AMPH: variants seen among roughly 807,000 people sequenced by gnomAD.
The protein encoded by AMPH is amphiphysin (Stiff-Mann syndrome with breast cancer 128kD autoantigen).
A neutral mutation model predicts 99.1 loss-of-function variants in AMPH; 49 were observed. That is an observed-to-expected ratio of 0.49 (90% confidence interval 0.39 to 0.63). The LOEUF (loss-of-function observed/expected upper bound fraction) is 0.63, where lower values mean the gene tolerates loss of function less well. Ranked by LOEUF, AMPH falls within the 20% of genes least tolerant of loss-of-function variation. AMPH has a pLI of 0.00. For synonymous variants in AMPH, 314 were observed against 317.3 expected, an observed-to-expected ratio of 0.99 and a Z score of 0.11; for missense variants, 759 against 863.4, an observed-to-expected ratio of 0.88 and a Z score of 1.52.
At position 38,476,921 on chromosome 7, in the gene AMPH, G is replaced by A. The variant is rs1440266958; in HGVS notation, c.445C>T (p.Arg149Cys). 3.1e-6 allele frequency: 5 copies of A among 1,613,636 alleles called. No individual in the cohort carries two copies. The highest frequency in any genetic ancestry group is 2.2e-5 in the South Asian group (2 of 91,048). Residue 149 changes from arginine to cysteine, a missense_variant, in exon 6 of 21, where the codon CGC (arginine) becomes TGC (cysteine). Physicochemically the swap from Arg to Cys is radical, Grantham distance 180. Coordinates refer to ENST00000356264, the MANE Select transcript of AMPH (RefSeq NM_001635.4). ...CTCTGCAGAGCTTCCAGATGGTGGC[G>A]GGCACTGTCATAGTCCACTAGCTTC... ...SRKLVDYDSA[R>C]HHLEALQSSK...
At chr7:38,449,310 C>A (rs1424733103) in intron 11 of AMPH, among the ~76,000 whole-genome samples, 2 of 152,172 alleles carry the variant, frequency 1.3e-5, no homozygotes, top group Admixed American at 1.3e-4. Context: ...TCACACATAG[C>A]CTACAGCATT....
At chr7:38,562,154 A>T (rs78330640) in intron 1 of AMPH, among the ~76,000 whole-genome samples, 4,428 of 152,258 alleles carry the variant, frequency 0.029, 213 homozygotes, top group African/African-American at 0.1. Context: ...AAATGAAAAA[A>T]GTCAGCAAGG....
chr7:38,579,156 C>T (rs1165907662), intron 1 of AMPH, among the ~76,000 whole-genome samples: 1 of 152,234 alleles, frequency 6.6e-6, no homozygotes, highest in African/African-American at 2.4e-5. Flanking sequence ...GATAGAAAGA[C>T]CACAAAACAC....
chr7:38,630,945 G>C lies in AMPH; in HGVS notation c.69+338C>G, dbSNP rs933563216. Among the ~76,000 whole-genome samples, 2 of 151,950 alleles carry C rather than the reference G, an allele frequency of 1.3e-5. 1 individual carries two copies. Among genetic ancestry groups the C allele is most frequent in the Non-Finnish European group, 2.9e-5 (2 of 68,022 alleles). On this transcript the variant is annotated intron_variant, in intron 1 of 20. Transcript: ENST00000356264. Reference sequence around the variant, plus strand: ...AGATGCGCTCTGCTCCGGGCGCAGCGGGCAAGCTGCCGCACCTCCTACTTC... The same window carrying C: ...AGATGCGCTCTGCTCCGGGCGCAGCCGGCAAGCTGCCGCACCTCCTACTTC...
intron 1 of AMPH, among the ~76,000 whole-genome samples, chr7:38,542,222 T>C (rs1443618685): frequency 6.6e-6 from 1 of 152,178 alleles, no homozygotes; most frequent in Admixed American, 6.5e-5. Flanking sequence ...ATATCCTCAG[T>C]ATCCAACCCA....
intron 2 of AMPH, among the ~76,000 whole-genome samples, chr7:38,509,880 T>C (rs1303399911): frequency 2.0e-5 from 3 of 152,148 alleles, no homozygotes; most frequent in Admixed American, 2.0e-4. Flanking sequence ...TGGGTATAGA[T>C]GCTAGCTCTA....
intron 1 of AMPH, among the ~76,000 whole-genome samples, chr7:38,610,235 A>G (rs564288535): frequency 1.1e-3 from 11 of 10,166 alleles, no homozygotes; most frequent in African/African-American, 0.011. Context: ...AAGCTCTCTC[A>G]AAAAAAAAAA....
intron 13 of AMPH, among the ~76,000 whole-genome samples, chr7:38,431,771 C>A (rs1294778953): frequency 1.3e-5 from 2 of 151,986 alleles, no homozygotes; most frequent in Non-Finnish European, 2.9e-5. Flanking sequence ...TTAACCCAAG[C>A]TTCATTGAAT....
chr7:38,388,231 T>G (rs1784397781), intron 20 of AMPH, among the ~76,000 whole-genome samples: 1 of 152,048 alleles, frequency 6.6e-6, no homozygotes, highest in Non-Finnish European at 1.5e-5. Context: ...TTCCTTTTAT[T>G]TCTTTACAAA....
At chr7:38,578,127 G>C (rs531404123) in intron 1 of AMPH, among the ~76,000 whole-genome samples, 1 of 152,210 alleles carries the variant, frequency 6.6e-6, no homozygotes, top group Admixed American at 6.5e-5. Context: ...AACTTTTCCA[G>C]GAGAAAATCA....
intron 1 of AMPH, among the ~76,000 whole-genome samples, chr7:38,582,457 C>A (rs1792501539): frequency 6.6e-6 from 1 of 152,186 alleles, no homozygotes; most frequent in Non-Finnish European, 1.5e-5. Context: ...CAAGAGCTTT[C>A]CATGCATCAA....
intron 12 of AMPH, 137 bp downstream of exon 12, chr7:38,436,135 C>A (rs1332598916): frequency 1.5e-6 from 1 of 657,558 alleles, no homozygotes; most frequent in Non-Finnish European, 2.7e-6. Context: ...TTCTACCCCT[C>A]TTTCCTATTA....
At chr7:38,486,754 G>T (rs79387748) in intron 5 of AMPH, among the ~76,000 whole-genome samples, 6,408 of 152,102 alleles carry the variant, frequency 0.042, 174 homozygotes, top group South Asian at 0.11. Flanking sequence ...TCATTCCTGG[G>T]ATGCAAGAAT....
intron 11 of AMPH, among the ~76,000 whole-genome samples, chr7:38,459,253 T>C (rs1164000242): frequency 6.6e-6 from 1 of 151,914 alleles, no homozygotes; most frequent in African/African-American, 2.4e-5. Context: ...AAATTAATAT[T>C]GTAAAAATAA....
chr7:38,617,946 T>C (rs1793931851), intron 1 of AMPH, among the ~76,000 whole-genome samples: 1 of 152,342 alleles, frequency 6.6e-6, no homozygotes, highest in South Asian at 2.1e-4. Context: ...ACTTTATTTA[T>C]ACTATGGCTA....
At chr7:38,565,613 A>G (rs2129050227) in intron 1 of AMPH, among the ~76,000 whole-genome samples, 1 of 146,142 alleles carries the variant, frequency 6.8e-6, no homozygotes, top group South Asian at 2.2e-4. Context: ...CACCTCTTTC[A>G]GGGCCCTAGC....
intron 12 of AMPH, among the ~76,000 whole-genome samples, chr7:38,432,538 A>T (rs1005650160): frequency 6.6e-6 from 1 of 151,604 alleles, no homozygotes; most frequent in Non-Finnish European, 1.5e-5. Flanking sequence ...CTCAACTTTC[A>T]CTATGTGAGT....
At chr7:38,462,545 A>C (rs956939521) in intron 10 of AMPH, among the ~76,000 whole-genome samples, 2 of 152,226 alleles carry the variant, frequency 1.3e-5, no homozygotes, top group African/African-American at 4.8e-5. Flanking sequence ...GTGTGTACTA[A>C]AAAATGTCCA....
chr7:38,436,303 G>A lies in AMPH; in HGVS notation c.1103C>T (p.Ser368Phe), dbSNP rs770499948. The change falls in exon 12 of 21, where the codon TCT becomes TTT. Residue 368 changes from serine to phenylalanine, a missense_variant. Transcript: ENST00000356264. ...CATGGGTGAGTGGGTCACTCCAGCA[G>A]AACCTGCAGGTGTCACCTCGGGCTT... ...PFKPEVTPAG[S>F]AGVTHSPMSQ... 3.1e-6 allele frequency: 5 copies of A among 1,614,166 alleles called. No individual in the cohort carries two copies. Among genetic ancestry groups the A allele is most frequent in the South Asian group, 1.1e-5 (1 of 91,082 alleles).
Sources: allele counts gnomAD v4.1 joint callset (sites outside exome capture counted in the v4.1 genomes callset), GRCh38; gene constraint gnomAD v4.1.1; transcripts MANE v1.5; gene names NCBI Gene and HGNC (gene_info 2026-07-23, HGNC 2026-07-21).